Variants in NINL observed in about 807,000 individuals in gnomAD.
NINL encodes ninein like, also known as ninein-like protein.
NINL carries 153 observed loss-of-function variants against 160.3 expected under a neutral mutation model. The observed-to-expected ratio is 0.95, with a 90% CI of 0.84 to 1.09. The LOEUF is 1.09. NINL is among the 50% of genes least tolerant of loss of function. The pLI, the probability that NINL is intolerant of heterozygous loss-of-function variation, is 0.00. For missense variants in NINL, 1,829 were observed against 1,764.0 expected, an observed-to-expected ratio of 1.04 and a Z score of -0.66; for synonymous variants, 800 against 734.8, an observed-to-expected ratio of 1.09 and a Z score of -1.43.
chr20:25,499,355 C>T (rs2063822567), intron 8 of NINL: 1 of 509,910 alleles, frequency 2.0e-6, no homozygotes, highest in Non-Finnish European at 2.5e-6. Context: ...TATCATGAAG[C>T]GAGGGAGAAG....
intron 1 of NINL, among the ~76,000 whole-genome samples, chr20:25,570,693 ACTTTTTTTT>A (rs1288140031): frequency 1.3e-5 from 1 of 74,102 alleles, no homozygotes; most frequent in African/African-American, 4.9e-5. Context: ...GGGCAAGTAG[ACTTTTTTTT>A]TTTTTTTTTT....
In NINL at chr20:25,503,986, C is replaced by T. The variant is rs750869167; in HGVS notation, c.827G>A (p.Arg276Gln). The stretch of plus-strand genomic sequence containing the variant: ...AGACCAAGCCTTGCTCGGTTTAACC[C>T]GAGTGGAAGACTCTAGAAGTAGCGC... Reference protein sequence around the residue: ...EPALLLESSTRVKPSKAWSHY... With the variant: ...EPALLLESSTQVKPSKAWSHY... The change falls in exon 7 of 24, where the codon CGG becomes CAG. Residue 276 changes from arginine to glutamine, a missense_variant. Coordinates refer to ENST00000278886, the MANE Select transcript of NINL (RefSeq NM_025176.6). The T allele has an allele frequency of 8.7e-6, 14 of 1,614,124 alleles. No homozygotes were observed. Among genetic ancestry groups the T allele is most frequent in the Middle Eastern group, 1.7e-4 (1 of 6,056 alleles).
rs532624786 is a variant in NINL at position 25,453,525 on chromosome 20, G to A, written c.4075C>T (p.Arg1359Cys). 3.1e-6 allele frequency: 5 copies of A among 1,614,064 alleles called. No individual in the cohort carries two copies. In the East Asian group the frequency reaches 6.7e-5, roughly 22 times the overall value. Residue 1359 changes from arginine (R) to cysteine (C), a missense_variant, in exon 24 of 24, where the codon CGC becomes TGC. By Grantham distance (180) the Arg-to-Cys change is radical. Transcript: ENST00000278886. ...GCGCGAACTTTTTCTTCCAAGAGGC[G>A]GCTTTGTTTCTCGGCGCCTCGCTGC... ...EKQRGAEKQS[R>C]LLEEKVRALN...
rs758329949 is a variant in NINL, at chr20:25,453,547, C to A, written c.4053G>T (p.Gln1351His). The change falls in exon 24 of 24, where the codon CAG becomes CAT. Residue 1351 changes from glutamine (Q) to histidine (H), a missense_variant. Physicochemically the swap from Gln to His is conservative, Grantham distance 24. Coordinates refer to ENST00000278886, the MANE Select transcript of NINL (RefSeq NM_025176.6). ...VRALQATEEK[Q>H]RGAEKQSRLL... ...GGCGGCTTTGTTTCTCGGCGCCTCGCTGCTTCTCCTCGGTGGCCTGAAGTG... is the reference window on the plus strand; with the variant it reads ...GGCGGCTTTGTTTCTCGGCGCCTCGATGCTTCTCCTCGGTGGCCTGAAGTG... 1.2e-6 allele frequency: 2 copies of A among 1,614,160 alleles called. No individual in the cohort carries two copies. The highest frequency in any genetic ancestry group is 2.2e-5 in the South Asian group (2 of 91,078).
chr20:25,554,234 G>C (rs2064838069), intron 1 of NINL, among the ~76,000 whole-genome samples: 1 of 151,810 alleles, frequency 6.6e-6, no homozygotes, highest in South Asian at 2.1e-4. Flanking sequence ...ATGGGGTCAG[G>C]AGAAAGGTCT....
Position 25,491,336 on chromosome 20 carries a change from T to TGGGGATGCCCC in NINL, c.1485+4_1485+14dup, listed in dbSNP as rs1415856040. 6.3e-7 allele frequency: 1 copy of TGGGGATGCCCC among 1,595,250 alleles called. No homozygotes were observed. Among genetic ancestry groups the TGGGGATGCCCC allele is most frequent in the Admixed American group, 1.7e-5 (1 of 59,548 alleles). ...CACCCCCCCAGCTTCCTGGATGCCC[T>TGGGGATGCCCC]GGGGATGCCCCTACCTTCAGGGCCA... On this transcript the variant is annotated intron_variant, in intron 11 of 23. Coordinates refer to ENST00000278886, the MANE Select transcript of NINL (RefSeq NM_025176.6).
In NINL at chr20:25,500,659, T is replaced by C. The variant is rs2294582; in HGVS notation, c.1032+181A>G. Among the ~76,000 whole-genome samples, 20 of 152,366 alleles carry C rather than the reference T, an allele frequency of 1.3e-4. No homozygotes were observed. In the East Asian group the frequency reaches 3.7e-3, roughly 28 times the overall value. On this transcript the variant is annotated intron_variant, in intron 8 of 23. Coordinates refer to ENST00000278886, the MANE Select transcript of NINL (RefSeq NM_025176.6). Reference sequence around the variant, plus strand: ...TATCTTTTTAAATTATAATGTCCTATATTTTAGTAACAAAAATTAAAAGAG... The same window carrying C: ...TATCTTTTTAAATTATAATGTCCTACATTTTAGTAACAAAAATTAAAAGAG...
chr20:25,475,887 C>A (rs370533069), intron 17 of NINL, among the ~76,000 whole-genome samples, 156 bp downstream of exon 17: 1 of 152,220 alleles, frequency 6.6e-6, no homozygotes, highest in African/African-American at 2.4e-5. Flanking sequence ...GGGCTCACAA[C>A]CCCTACTCAG....
intron 1 of NINL, among the ~76,000 whole-genome samples, chr20:25,545,033 G>A (rs2064715353): frequency 6.6e-6 from 1 of 152,224 alleles, no homozygotes; most frequent in South Asian, 2.1e-4. Flanking sequence ...GGCCTATTAA[G>A]CAGCTTTAGG....
chr20:25,512,735 TC>T, intron 4 of NINL, 98 bp downstream of exon 4: 2 of 1,428,626 alleles, frequency 1.4e-6, no homozygotes, highest in Non-Finnish European at 1.9e-6. Context: ...GTGGCTGCCC[TC>T]CCCATATCTT....
chr20:25,462,063 C>T (rs896475364), intron 20 of NINL, among the ~76,000 whole-genome samples: 6 of 152,236 alleles, frequency 3.9e-5, no homozygotes, highest in Non-Finnish European at 5.9e-5. Context: ...ACAAGGCTCT[C>T]GGGAACATCC....
chr20:25,551,207 G>A (rs1423311802), intron 1 of NINL, among the ~76,000 whole-genome samples: 1 of 152,050 alleles, frequency 6.6e-6, no homozygotes, highest in African/African-American at 2.4e-5. Flanking sequence ...TTGAGGCTAG[G>A]GTTACAGATT....
intron 22 of NINL, among the ~76,000 whole-genome samples, chr20:25,456,941 T>C (rs2090699863): frequency 1.3e-5 from 2 of 150,702 alleles, no homozygotes; most frequent in African/African-American, 2.4e-5. Context: ...CAAAAATAAA[T>C]AAATACATAA....
intron 22 of NINL, among the ~76,000 whole-genome samples, chr20:25,457,371 C>T (rs2090714444): frequency 6.6e-6 from 1 of 152,176 alleles, no homozygotes; most frequent in South Asian, 2.1e-4. Flanking sequence ...CCAAACCACA[C>T]AGCTTTCCTT....
At chr20:25,470,209 T>G in intron 17 of NINL, 114 bp from the exon 18 acceptor site, 1 of 770,910 alleles carries the variant, frequency 1.3e-6, no homozygotes, top group East Asian at 2.5e-5. Context: ...TCCCCGTCCC[T>G]GGAGGTGGCG....
chr20:25,475,982 TG>T, intron 17 of NINL, 60 bp downstream of exon 17: 2 of 1,524,062 alleles, frequency 1.3e-6, no homozygotes, highest in Non-Finnish European at 1.8e-6. Flanking sequence ...CAGGGGTCAG[TG>T]GGTTAGTTCT....
At chr20:25,505,292 G>A (rs1186193243) in intron 5 of NINL, among the ~76,000 whole-genome samples, 1 of 148,994 alleles carries the variant, frequency 6.7e-6, no homozygotes, top group African/African-American at 2.4e-5. Flanking sequence ...GGAGCAGGGT[G>A]TAGAAGGGTG....
chr20:25,500,414 G>A (rs1053381409), intron 8 of NINL, among the ~76,000 whole-genome samples: 14 of 152,222 alleles, frequency 9.2e-5, no homozygotes, highest in African/African-American at 3.4e-4. Context: ...GGGGAGAACA[G>A]CTCAACCAGC....
Position 25,500,839 on chromosome 20 carries a change from C to T in NINL, c.1032+1G>A. The T allele has an allele frequency of 1.2e-6, 2 of 1,613,036 alleles. No homozygotes were observed. Among genetic ancestry groups the T allele is most frequent in the Non-Finnish European group, 1.7e-6 (2 of 1,179,426 alleles). ...AGCTTAGGCATCACCCAGTTCCAAA[C>T]CTGCAAGATCTCCCTGCCATTCTGA... On this transcript the variant is annotated splice_donor_variant, in intron 8 of 23. Transcript: ENST00000278886. LOFTEE classifies it high-confidence loss of function.
Sources: allele counts gnomAD v4.1 joint callset (sites outside exome capture counted in the v4.1 genomes callset), GRCh38; gene constraint gnomAD v4.1.1; transcripts MANE v1.5; gene names NCBI Gene and HGNC (gene_info 2026-07-23, HGNC 2026-07-21).